ZNF124: variants seen among roughly 807,000 people sequenced by gnomAD.
The protein encoded by ZNF124 is zinc finger protein HZF-16.
A neutral mutation model predicts 26.6 loss-of-function variants in ZNF124; 25 were observed. The ratio of observed to expected loss-of-function variants is 0.94; its 90% confidence interval spans 0.68 to 1.31. The LOEUF (loss-of-function observed/expected upper bound fraction) is 1.31, where lower values mean the gene tolerates loss of function less well. Ranked by LOEUF, ZNF124 falls within the 40% of genes most tolerant of loss-of-function variation. The pLI, the probability that ZNF124 is intolerant of heterozygous loss-of-function variation, is 0.00. For missense variants in ZNF124, 444 were observed against 422.2 expected, an observed-to-expected ratio of 1.05 and a Z score of -0.45; for synonymous variants, 129 against 133.3, an observed-to-expected ratio of 0.97 and a Z score of 0.22.
At chr1:247,151,205 C>T (rs1033322490), downstream of ZNF124, among the ~76,000 whole-genome samples, 2 of 151,982 alleles carry the variant, frequency 1.3e-5, no homozygotes, top group African/African-American at 2.4e-5. Context: ...TTGGGCTGGG[C>T]GCGGTGGCTC....
At chr1:247,134,006 C>T (rs1672429325) in intron 3 of ZNF124, among the ~76,000 whole-genome samples, 1 of 152,130 alleles carries the variant, frequency 6.6e-6, no homozygotes, top group Non-Finnish European at 1.5e-5. Flanking sequence ...TTCAGCCAAA[C>T]TAAGTTTCAT....
chr1:247,133,593 TCAG>T (rs1196434516), intron 3 of ZNF124, among the ~76,000 whole-genome samples: 1 of 151,386 alleles, frequency 6.6e-6, no homozygotes, highest in African/African-American at 2.4e-5. Context: ...GGTAGACATC[TCAG>T]CAGAAACTAC....
intron 1 of ZNF124, among the ~76,000 whole-genome samples, chr1:247,166,993 A>C (rs1332919405): frequency 6.6e-6 from 1 of 152,214 alleles, no homozygotes; most frequent in Non-Finnish European, 1.5e-5. Flanking sequence ...TATATGAAAA[A>C]TCAATCAGTG....
At chr1:247,152,117 TG>T (rs1672964884), downstream of ZNF124, among the ~76,000 whole-genome samples, 1 of 149,102 alleles carries the variant, frequency 6.7e-6, no homozygotes, top group African/African-American at 2.4e-5. Context: ...TAAAACTATA[TG>T]GTGCTATCCA....
At position 247,157,047 on chromosome 1, in the gene ZNF124, T is replaced by A. The variant is rs539217724; in HGVS notation, c.575A>T (p.His192Leu). 6.2e-7 allele frequency: 1 copy of A among 1,613,184 alleles called. No individual in the cohort carries two copies. The highest frequency in any genetic ancestry group is 1.3e-5 in the African/African-American group (1 of 74,760). The change falls in exon 4 of 4, where the codon CAC (histidine) becomes CTC (leucine). Residue 192 changes from histidine (H) to leucine (L), a missense_variant. Physicochemically the swap from His to Leu is moderately conservative, Grantham distance 99. Transcript: ENST00000543802. ...ATGAGTTCTTTCATGGTCACGAAGG[T>A]GACTGGAACGACTGAAGGCTTTCCC... ...QCGKAFSRSS[H>L]LRDHERTHTG...
At chr1:247,132,397 C>A (rs1437843753) in intron 3 of ZNF124, among the ~76,000 whole-genome samples, 1 of 152,194 alleles carries the variant, frequency 6.6e-6, no homozygotes, top group Non-Finnish European at 1.5e-5. Flanking sequence ...CAAATGATCA[C>A]AACATCTCTC....
chr1:247,154,327 T>G (rs1275972279), downstream of ZNF124, among the ~76,000 whole-genome samples: 1 of 152,134 alleles, frequency 6.6e-6, no homozygotes, highest in Non-Finnish European at 1.5e-5. Flanking sequence ...TGCTTGTACT[T>G]CTCCTTCCTG....
intron 2 of ZNF124, 127 bp from the exon 3 acceptor site, chr1:247,159,193 T>C (rs1673335400): frequency 3.9e-6 from 3 of 766,932 alleles, no homozygotes; most frequent in South Asian, 2.0e-5. Flanking sequence ...TGGTCATCAA[T>C]ATGGCAACAT....
chr1:247,162,461 T>C (rs111421904), intron 1 of ZNF124, among the ~76,000 whole-genome samples: 3 of 152,052 alleles, frequency 2.0e-5, no homozygotes, highest in East Asian at 1.9e-4. Context: ...CTAGGAGCAA[T>C]AGGCCATACC....
chr1:247,154,116 TGACACACACACAC>T (rs538990631), downstream of ZNF124, among the ~76,000 whole-genome samples: 3,010 of 117,668 alleles, frequency 0.026, 106 homozygotes, highest in African/African-American at 0.13. Flanking sequence ...CGCATATGTG[TGACACACACACAC>T]ACACAGATAT....
At chr1:247,127,865 T>C (rs1299150330) in intron 3 of ZNF124, among the ~76,000 whole-genome samples, 2 of 151,590 alleles carry the variant, frequency 1.3e-5, no homozygotes, top group Non-Finnish European at 2.9e-5. Context: ...CTTCCTTCTT[T>C]AACTCGGTGT....
At chr1:247,134,065 G>A (rs1033463276) in intron 3 of ZNF124, among the ~76,000 whole-genome samples, 15 of 152,056 alleles carry the variant, frequency 9.9e-5, no homozygotes, top group African/African-American at 2.9e-4. Context: ...GAAGGATTTC[G>A]TTACTACCAG....
At chr1:247,170,948 G>A (rs1229192375) in intron 1 of ZNF124, among the ~76,000 whole-genome samples, 2 of 92,308 alleles carry the variant, frequency 2.2e-5, no homozygotes, top group African/African-American at 1.2e-4. Context: ...TTCTTTGGAG[G>A]CAGAAATTGG....
chr1:247,144,126 T>A (rs1006181054), intron 3 of ZNF124, among the ~76,000 whole-genome samples: 2 of 152,180 alleles, frequency 1.3e-5, no homozygotes, highest in Non-Finnish European at 2.9e-5. Flanking sequence ...TAAGGGTGAT[T>A]CAGAAAGACA....
At chr1:247,128,708 A>G (rs1409371360) in intron 3 of ZNF124, among the ~76,000 whole-genome samples, 1 of 149,754 alleles carries the variant, frequency 6.7e-6, no homozygotes, top group Non-Finnish European at 1.5e-5. Context: ...GGAAGAAAGA[A>G]TTTCTGCCCT....
intron 1 of ZNF124, among the ~76,000 whole-genome samples, chr1:247,165,412 T>C (rs1036698520): frequency 7.2e-5 from 11 of 152,122 alleles, no homozygotes; most frequent in African/African-American, 2.7e-4. Flanking sequence ...ATATAAACTT[T>C]AGATGCATTA....
intron 1 of ZNF124, among the ~76,000 whole-genome samples, chr1:247,167,146 C>G (rs1388619317): frequency 2.0e-5 from 3 of 152,096 alleles, no homozygotes; most frequent in Admixed American, 2.0e-4. Flanking sequence ...GTATGAAAAA[C>G]CAGCACTAAC....
intron 3 of ZNF124, among the ~76,000 whole-genome samples, chr1:247,144,176 GGTCTCAGTT>G (rs1672702594): frequency 6.6e-6 from 1 of 152,092 alleles, no homozygotes; most frequent in Non-Finnish European, 1.5e-5. Context: ...TATCTCCTGA[GGTCTCAGTT>G]GTTTACTCTG....
exon 4 of ZNF124, chr1:247,122,900 C>T (rs1194690648): frequency 2.6e-5 from 4 of 152,210 alleles, no homozygotes; most frequent in African/African-American, 9.6e-5. Context: ...GAAAGAAGTG[C>T]CTGGGGAGAA....
Sources: gnomAD v4.1 joint callset for allele counts (sites outside exome capture counted in the v4.1 genomes callset) on GRCh38, gnomAD v4.1.1 for gene constraint, MANE v1.5 for transcripts, NCBI Gene and HGNC (gene_info 2026-07-23, HGNC 2026-07-21) for gene names.